Variants in GRM1 observed in about 807,000 individuals in gnomAD.
GRM1 encodes the protein glutamate metabotropic receptor 1.
GRM1 carries 33 observed loss-of-function variants against 90.9 expected under a neutral mutation model. That is an observed-to-expected ratio of 0.36 (90% confidence interval 0.28 to 0.49). The LOEUF (loss-of-function observed/expected upper bound fraction) is 0.49. GRM1 is among the 20% of genes least tolerant of loss of function. The pLI, the probability that GRM1 is intolerant of heterozygous loss-of-function variation, is 0.99. For synonymous variants in GRM1, 700 were observed against 613.2 expected (o/e 1.14, Z -2.09); for missense variants, 1,190 against 1,534.3 (o/e 0.78, Z 3.75).
chr6:146,124,215 C>T (rs146517514), intron 1 of GRM1, among the ~76,000 whole-genome samples: 114 of 152,248 alleles, frequency 7.5e-4, no homozygotes, highest in East Asian at 9.7e-4. Context: ...TTTCCAAAAT[C>T]GTACTTTTCC....
intron 7 of GRM1, among the ~76,000 whole-genome samples, chr6:146,406,231 A>G (rs1320724800): frequency 1.3e-5 from 2 of 152,184 alleles, no homozygotes; most frequent in Admixed American, 6.5e-5. Context: ...GAGAACTATG[A>G]CAATGAAGCA....
At chr6:146,150,881 T>A (rs1256465574) in intron 1 of GRM1, among the ~76,000 whole-genome samples, 1 of 151,876 alleles carries the variant, frequency 6.6e-6, no homozygotes, top group Non-Finnish European at 1.5e-5. Flanking sequence ...AAATGACAGG[T>A]TTCACTATTT....
At chr6:146,036,601 A>T (rs998355907) in intron 1 of GRM1, among the ~76,000 whole-genome samples, 1 of 152,116 alleles carries the variant, frequency 6.6e-6, no homozygotes, top group African/African-American at 2.4e-5. Flanking sequence ...CTTAAACTTA[A>T]GGCATTGTAG....
Position 146,434,497 on chromosome 6 carries a change from G to T in GRM1, c.3286G>T (p.Asp1096Tyr). The T allele has an allele frequency of 6.2e-7, 1 of 1,614,064 alleles. No individual in the cohort carries two copies. Among genetic ancestry groups the T allele is most frequent in the Non-Finnish European group, 8.5e-7 (1 of 1,180,006 alleles). ...GEELVSPPADDDDDSERFKLL... is the reference protein window; with the variant it reads ...GEELVSPPADYDDDSERFKLL... ...GGAGCTGGTCTCCCCGCCCGCGGAC[G>T]ACGACGACGACAGCGAGAGGTTTAA... Residue 1096 changes from aspartate to tyrosine, a missense_variant, in exon 8 of 8, where the codon GAC becomes TAC. By Grantham distance (160) the Asp-to-Tyr change is radical (BLOSUM62 -3). Transcript: ENST00000282753.
intron 7 of GRM1, among the ~76,000 whole-genome samples, chr6:146,402,258 A>G (rs1251912251): frequency 6.6e-6 from 1 of 152,180 alleles, no homozygotes; most frequent in African/African-American, 2.4e-5. Context: ...GCACCAAGCA[A>G]ATGAGCTGAC....
chr6:146,293,266 A>T (rs1246620520), intron 2 of GRM1, among the ~76,000 whole-genome samples: 2 of 151,984 alleles, frequency 1.3e-5, no homozygotes, highest in Non-Finnish European at 1.5e-5. Context: ...GGTTGATGTT[A>T]TGTAAATTTC....
At chr6:146,051,609 A>T (rs1301096583) in intron 1 of GRM1, among the ~76,000 whole-genome samples, 1 of 152,122 alleles carries the variant, frequency 6.6e-6, no homozygotes, top group Admixed American at 6.6e-5. Flanking sequence ...AGCTATGATC[A>T]GTTATGACTT....
intron 2 of GRM1, among the ~76,000 whole-genome samples, chr6:146,190,061 G>T (rs568554235): frequency 1.8e-3 from 270 of 152,256 alleles, no homozygotes; most frequent in African/African-American, 6.1e-3. Flanking sequence ...ATCCACTGGG[G>T]AACAGAATCT....
At chr6:146,424,902 C>T (rs1467246534) in intron 7 of GRM1, among the ~76,000 whole-genome samples, 1 of 152,170 alleles carries the variant, frequency 6.6e-6, no homozygotes, top group Non-Finnish European at 1.5e-5. Flanking sequence ...ACCTTTATTC[C>T]TGATCATCTC....
chr6:146,140,004 C>CCGCTT, intron 1 of GRM1, among the ~76,000 whole-genome samples: 1 of 136,248 alleles, frequency 7.3e-6, no homozygotes, highest in African/African-American at 2.7e-5. Flanking sequence ...CCGCTTCCCT[C>CCGCTT]CCCTCCCCTC....
At chr6:146,360,340 AAT>A (rs1775421521) in intron 5 of GRM1, among the ~76,000 whole-genome samples, 1 of 152,040 alleles carries the variant, frequency 6.6e-6, no homozygotes, top group African/African-American at 2.4e-5. Context: ...TTATAAATAT[AAT>A]ATCTCATGGA....
At chr6:146,152,303 T>C (rs966721388) in intron 1 of GRM1, among the ~76,000 whole-genome samples, 1 of 150,210 alleles carries the variant, frequency 6.7e-6, no homozygotes, top group Non-Finnish European at 1.5e-5. Context: ...GCCAATGCCT[T>C]GCTTGGCATC....
At chr6:146,398,156 A>C (rs1158279113) in intron 6 of GRM1, among the ~76,000 whole-genome samples, 1 of 152,212 alleles carries the variant, frequency 6.6e-6, no homozygotes, top group Admixed American at 6.5e-5. Flanking sequence ...TACTAACTCA[A>C]AGGCCCTCAG....
intron 5 of GRM1, among the ~76,000 whole-genome samples, chr6:146,384,359 T>A (rs975232720): frequency 6.6e-6 from 1 of 152,052 alleles, no homozygotes; most frequent in African/African-American, 2.4e-5. Context: ...AGTAGAGATA[T>A]CTTGTTGAAT....
At chr6:146,274,152 A>G (rs146449979) in intron 2 of GRM1, among the ~76,000 whole-genome samples, 36 of 148,404 alleles carry the variant, frequency 2.4e-4, no homozygotes, top group African/African-American at 9.5e-4. Flanking sequence ...AAGCCATTCA[A>G]AGAGGAACCA....
At chr6:146,094,124 A>T (rs1399685575) in intron 1 of GRM1, among the ~76,000 whole-genome samples, 1 of 152,138 alleles carries the variant, frequency 6.6e-6, no homozygotes, top group African/African-American at 2.4e-5. Flanking sequence ...ACTAGGGACA[A>T]TGAAGTCTTT....
intron 6 of GRM1, among the ~76,000 whole-genome samples, chr6:146,391,933 T>C (rs1197783975): frequency 1.3e-5 from 2 of 152,094 alleles, no homozygotes; most frequent in Non-Finnish European, 2.9e-5. Context: ...CGAGAGTACT[T>C]ACATCCCCTC....
chr6:146,276,121 A>T (rs563218036), intron 2 of GRM1, among the ~76,000 whole-genome samples: 3 of 152,294 alleles, frequency 2.0e-5, no homozygotes, highest in African/African-American at 7.2e-5. Context: ...TTATTATTTA[A>T]GTAACACAGT....
rs919204309 is a variant in GRM1 at position 146,399,118 on chromosome 6, C to T, written c.2079C>T (p.Ile693=). The change falls in exon 7 of 8, where the codon ATC becomes ATT. Residue 693 remains isoleucine (I), a synonymous_variant. Transcript: ENST00000282753. The surrounding 1 kb of genome is among the most constrained non-coding windows in gnomAD (Gnocchi z 5.4). ...ARILAGSKKK[I]CTRKPRFMSA... ...TCCTGGCTGGCAGCAAGAAGAAGATCTGCACCCGGAAGCCCAGGTTCATGA... is the reference window on the plus strand; with the variant it reads ...TCCTGGCTGGCAGCAAGAAGAAGATTTGCACCCGGAAGCCCAGGTTCATGA... 5 of 1,614,124 alleles carry T rather than the reference C, an allele frequency of 3.1e-6. No homozygotes were observed. The highest frequency in any genetic ancestry group is 4.2e-6 in the Non-Finnish European group (5 of 1,180,006).
Sources: allele counts gnomAD v4.1 joint callset (sites outside exome capture counted in the v4.1 genomes callset), GRCh38; gene constraint gnomAD v4.1.1; non-coding constraint Gnocchi (gnomAD v3.1); transcripts MANE v1.5; gene names NCBI Gene and HGNC (gene_info 2026-07-23, HGNC 2026-07-21).